Variants in PTPRG observed in about 807,000 individuals in gnomAD.
PTPRG encodes receptor-type tyrosine-protein phosphatase gamma.
In PTPRG, 102 loss-of-function variants were observed where a neutral mutation model predicts 165.3. The observed-to-expected ratio is 0.62, with a 90% CI of 0.53 to 0.73. The LOEUF (loss-of-function observed/expected upper bound fraction) is 0.73, where lower values mean the gene tolerates loss of function less well. Among genes scored for constraint, PTPRG ranks in the 30% least tolerant of loss-of-function variants. PTPRG has a pLI of 0.00. For missense variants in PTPRG, 1,866 were observed against 1,861.4 expected, an observed-to-expected ratio of 1.00 and a Z score of -0.05; for synonymous variants, 675 against 669.5, an observed-to-expected ratio of 1.01 and a Z score of -0.13.
At chr3:61,687,809 G>T (rs1347605499) in intron 1 of PTPRG, among the ~76,000 whole-genome samples, 1 of 152,120 alleles carries the variant, frequency 6.6e-6, no homozygotes, top group Non-Finnish European at 1.5e-5. Context: ...AAATCCATTT[G>T]TTAAATAGCC....
intron 4 of PTPRG, among the ~76,000 whole-genome samples, chr3:62,025,245 T>C (rs1227209840): frequency 6.6e-6 from 1 of 152,152 alleles, no homozygotes; most frequent in African/African-American, 2.4e-5. Context: ...TGAATGCATG[T>C]ATATATATAG....
At chr3:62,086,684 T>A (rs890142311) in intron 5 of PTPRG, among the ~76,000 whole-genome samples, 2 of 152,164 alleles carry the variant, frequency 1.3e-5, no homozygotes, top group African/African-American at 4.8e-5. Flanking sequence ...TAAGAAGACT[T>A]TTTTTTAATC....
chr3:61,814,784 G>A (rs745895072), intron 2 of PTPRG, among the ~76,000 whole-genome samples: 12 of 150,636 alleles, frequency 8.0e-5, no homozygotes, highest in Non-Finnish European at 8.8e-5. Flanking sequence ...TGACTGGGAG[G>A]GGCTCAGGGA....
rs536948369 is a variant in PTPRG, at chr3:61,903,246, C to G, written c.191-86379C>G. The stretch of plus-strand genomic sequence containing the variant: ...AGCTGCTGCTCTCCTGATGCCTTAC[C>G]TCGTCCTTTCATCTGAGTGTAATTT... On this transcript the variant is annotated intron_variant, in intron 2 of 29. Transcript: ENST00000474889. Among the ~76,000 whole-genome samples, 7 of 152,304 alleles carry G rather than the reference C, an allele frequency of 4.6e-5. No homozygotes were observed. The South Asian group carries it at 1.4e-3, about 32-fold the overall frequency.
chr3:62,007,862 G>A (rs2107561), intron 4 of PTPRG, among the ~76,000 whole-genome samples: 132,687 of 152,246 alleles, frequency 0.87, 58,048 homozygotes, highest in East Asian at 1. Context: ...TTAAGGAATA[G>A]AGAGGCCAGT....
chr3:62,074,856 C>A (rs953803440), intron 4 of PTPRG, among the ~76,000 whole-genome samples: 1 of 152,084 alleles, frequency 6.6e-6, no homozygotes, highest in Admixed American at 6.6e-5. Context: ...CAAACACCTG[C>A]CAAAGGTGTT....
At chr3:62,279,956 G>A (rs1448835308) in intron 26 of PTPRG, among the ~76,000 whole-genome samples, 12 of 151,952 alleles carry the variant, frequency 7.9e-5, no homozygotes, top group Admixed American at 2.0e-4. Context: ...AGGATACGTG[G>A]TGTACATCAT....
Position 61,799,011 on chromosome 3 carries a change from G to C in PTPRG, c.190+50029G>C, listed in dbSNP as rs116853666. Among the ~76,000 whole-genome samples, 20 of 151,734 alleles carry C rather than the reference G, an allele frequency of 1.3e-4. No individual in the cohort carries two copies. In the East Asian group the frequency reaches 3.7e-3, roughly 28 times the overall value. ...TTTCACCTTCTCTCCACCTGTTAGGGACATAAACATTAAAAATTTTTTTTT... is the reference window on the plus strand; with the variant it reads ...TTTCACCTTCTCTCCACCTGTTAGGCACATAAACATTAAAAATTTTTTTTT... On this transcript the variant is annotated intron_variant, in intron 2 of 29. Transcript: ENST00000474889.
chr3:61,570,516 G>T (rs536294754), intron 1 of PTPRG, among the ~76,000 whole-genome samples: 1 of 152,166 alleles, frequency 6.6e-6, no homozygotes, highest in Non-Finnish European at 1.5e-5. Context: ...GAAGCAGGGT[G>T]TTGTATAATG....
Position 61,970,650 on chromosome 3 carries a change from T to G in PTPRG, c.191-18975T>G, listed in dbSNP as rs1263574539. On this transcript the variant is annotated intron_variant, in intron 2 of 29. Coordinates refer to ENST00000474889, the MANE Select transcript of PTPRG (RefSeq NM_002841.4). The stretch of plus-strand genomic sequence containing the variant: ...GGTAGGTTAGTAGTGATGGCTTAAC[T>G]GTGATTTTTTTTTAAGTGGATGTTC... Among the ~76,000 whole-genome samples, 3 of 150,834 alleles carry G rather than the reference T, an allele frequency of 2.0e-5. No individual in the cohort carries two copies. In the East Asian group the frequency reaches 5.9e-4, roughly 29 times the overall value.
chr3:62,269,062 G>A lies in PTPRG; in HGVS notation c.2902G>A (p.Glu968Lys). The A allele has an allele frequency of 6.2e-7, 1 of 1,601,214 alleles. No individual in the cohort carries two copies. Among genetic ancestry groups the A allele is most frequent in the Non-Finnish European group, 8.5e-7 (1 of 1,170,418 alleles). ...RRKCDQYWPT[E>K]NSEEYGNIIV... ...AAAATGTGATCAGTATTGGCCAACA[G>A]AGAACAGTGAGGAATATGGAAACAT... is the stretch of plus-strand genomic sequence containing the variant. The change falls in exon 20 of 30, where the codon GAG becomes AAG. Residue 968 changes from glutamate to lysine, a missense_variant. Transcript: ENST00000474889.
chr3:62,194,967 C>G, intron 9 of PTPRG, 95 bp from the exon 10 acceptor site: 5 of 1,139,872 alleles, frequency 4.4e-6, no homozygotes, highest in Non-Finnish European at 3.9e-6. Flanking sequence ...TCACACCTGT[C>G]AGGCATTGTC....
At chr3:61,873,819 C>T (rs193215224) in intron 2 of PTPRG, among the ~76,000 whole-genome samples, 67 of 151,886 alleles carry the variant, frequency 4.4e-4, no homozygotes, top group South Asian at 8.3e-4. Flanking sequence ...GGCTCTGAGG[C>T]TGCCTTTCTG....
intron 2 of PTPRG, among the ~76,000 whole-genome samples, chr3:61,920,978 A>T (rs1372291677): frequency 6.6e-6 from 1 of 152,156 alleles, no homozygotes; most frequent in Non-Finnish European, 1.5e-5. Flanking sequence ...GCTTTCTTTC[A>T]TTGGATACCA....
rs140951153 is a variant in PTPRG, at chr3:61,657,441, T to C, written c.86-91437T>C. 2.6e-5 allele frequency among the ~76,000 whole-genome samples: 4 copies of C among 152,142 alleles called. No homozygotes were observed. The East Asian group carries it at 5.8e-4, about 22-fold the overall frequency. ...TGAGGCCAGGAGTTTGGTACTAGCT[T>C]GGGCAACATAGCAAGAGCCCCCGTC... On this transcript the variant is annotated intron_variant, in intron 1 of 29. Coordinates refer to ENST00000474889, the MANE Select transcript of PTPRG (RefSeq NM_002841.4).
At chr3:62,138,436 G>C (rs1052567749) in intron 6 of PTPRG, among the ~76,000 whole-genome samples, 2 of 152,136 alleles carry the variant, frequency 1.3e-5, no homozygotes, top group African/African-American at 4.8e-5. Context: ...AAATGTGTGT[G>C]GGCCGGGTGC....
At chr3:62,230,406 T>G (rs566254639) in intron 13 of PTPRG, among the ~76,000 whole-genome samples, 46 of 152,200 alleles carry the variant, frequency 3.0e-4, no homozygotes, top group Non-Finnish European at 6.3e-4. Flanking sequence ...AAAGAGAACT[T>G]CCATATATCT....
intron 1 of PTPRG, among the ~76,000 whole-genome samples, chr3:61,566,411 G>T (rs1454965887): frequency 1.3e-5 from 2 of 152,254 alleles, no homozygotes; most frequent in Admixed American, 6.5e-5. Context: ...CTGATTGAAA[G>T]TAACTTCCTT....
rs1699758495 is a variant in PTPRG at position 61,561,793 on chromosome 3, A to G, written c.-495A>G. 1 of 151,360 alleles carries G rather than the reference A, an allele frequency of 6.6e-6. No homozygotes were observed. The highest frequency in any genetic ancestry group is 2.0e-4 in the South Asian group (1 of 4,988). The allele number at this position is 151,360 out of a possible 1,614,324, so 9.4% of individuals were successfully genotyped here. ...CTCCCCTCCCCTTCCCCTCTCGCAA[A>G]CATGCCTCCTTCCTTCCCGGGGCCC... is the stretch of plus-strand genomic sequence containing the variant. On this transcript the variant is annotated 5_prime_UTR_variant, in exon 1 of 30. Transcript: ENST00000474889.
Sources: gnomAD v4.1 joint callset for allele counts (sites outside exome capture counted in the v4.1 genomes callset) on GRCh38, gnomAD v4.1.1 for gene constraint, MANE v1.5 for transcripts, NCBI Gene and HGNC (gene_info 2026-07-23, HGNC 2026-07-21) for gene names.